SLC4A7: variants seen among roughly 807,000 people sequenced by gnomAD.
The protein encoded by SLC4A7 is sodium bicarbonate cotransporter 3.
SLC4A7 carries 51 observed loss-of-function variants against 137.6 expected under a neutral mutation model. The ratio of observed to expected loss-of-function variants is 0.37; its 90% CI spans 0.30 to 0.47. The LOEUF (loss-of-function observed/expected upper bound fraction) is 0.47, where lower values mean the gene tolerates loss of function less well. SLC4A7 is among the 20% of genes least tolerant of loss of function. The pLI is 1.00. For synonymous variants in SLC4A7, 542 were observed against 518.6 expected (o/e 1.05, Z -0.61); for missense variants, 1,247 against 1,525.4 (o/e 0.82, Z 3.04).
intron 1 of SLC4A7, among the ~76,000 whole-genome samples, chr3:27,475,136 C>T (rs1342590559): frequency 6.6e-6 from 1 of 151,792 alleles, no homozygotes; most frequent in African/African-American, 2.4e-5. Flanking sequence ...CAAATCCCTG[C>T]CCACAGAGTT....
At chr3:27,481,964 T>C (rs2059728238) in intron 1 of SLC4A7, among the ~76,000 whole-genome samples, 1 of 151,952 alleles carries the variant, frequency 6.6e-6, no homozygotes, top group African/African-American at 2.4e-5. Flanking sequence ...TGAAATCCCA[T>C]CTCTACTAAA....
Position 27,424,402 on chromosome 3 carries a change from AAG to A in SLC4A7, c.1151-252_1151-251del, listed in dbSNP as rs539342521. The A allele has an allele frequency of 1.4e-3, 423 of 299,060 alleles. 2 individuals carry two copies. The highest frequency in any genetic ancestry group is 8.5e-3 in the African/African-American group (395 of 46,250). 18.5% of individuals were successfully genotyped at this position (299,060 alleles called of 1,614,324 possible). ...TACAAAAATTGTGGCCTTTTGCAAA[AAG>A]AAATAAAACGTGAGTTGGTGTGAAC... On this transcript the variant is annotated intron_variant, in intron 7 of 25. Coordinates refer to ENST00000454389, the MANE Select transcript of SLC4A7 (RefSeq NM_001321103.2).
At chr3:27,474,779 C>T (rs2059397171) in intron 1 of SLC4A7, among the ~76,000 whole-genome samples, 1 of 152,128 alleles carries the variant, frequency 6.6e-6, no homozygotes, top group Non-Finnish European at 1.5e-5. Flanking sequence ...GGCTTTTAAA[C>T]AATTTTGTCA....
Position 27,440,047 on chromosome 3 carries a change from G to A in SLC4A7, c.290-2521C>T, listed in dbSNP as rs143982606. Reference sequence around the variant, plus strand: ...CTTAGTTACATTGACAGATGTTTAAGTTTTAAACCAACCTTATGTTCCTAG... The same window carrying A: ...CTTAGTTACATTGACAGATGTTTAAATTTTAAACCAACCTTATGTTCCTAG... On this transcript the variant is annotated intron_variant, in intron 3 of 25. Transcript: ENST00000454389. Among the ~76,000 whole-genome samples the A allele has an allele frequency of 3.5e-3, 532 of 152,252 alleles. 3 individuals are homozygous for A. The highest frequency in any genetic ancestry group is 5.5e-3 in the Non-Finnish European group (374 of 68,002).
intron 8 of SLC4A7, among the ~76,000 whole-genome samples, chr3:27,422,558 T>C (rs1576360038): frequency 2.0e-5 from 3 of 152,318 alleles, no homozygotes; most frequent in African/African-American, 7.2e-5. Context: ...CATGAATTAC[T>C]ATGCCTGGCC....
chr3:27,430,242 C>T (rs1050299925), intron 7 of SLC4A7, among the ~76,000 whole-genome samples: 1 of 151,690 alleles, frequency 6.6e-6, no homozygotes. Flanking sequence ...CTATTTAAGG[C>T]ACATCACTTC....
chr3:27,431,021 ACT>A (rs1253509897), intron 7 of SLC4A7, among the ~76,000 whole-genome samples: 3 of 152,002 alleles, frequency 2.0e-5, no homozygotes, highest in African/African-American at 4.8e-5. Context: ...TAATAATCTT[ACT>A]CTTTTTTATT....
intron 2 of SLC4A7, among the ~76,000 whole-genome samples, chr3:27,449,373 G>A (rs2057907585): frequency 1.4e-5 from 2 of 147,936 alleles, no homozygotes; most frequent in Admixed American, 1.4e-4. Flanking sequence ...TAACATTTTA[G>A]TAACAATTAC....
intron 3 of SLC4A7, among the ~76,000 whole-genome samples, chr3:27,442,057 G>A (rs1357080054): frequency 1.3e-5 from 2 of 151,736 alleles, no homozygotes; most frequent in African/African-American, 4.8e-5. Context: ...ATTATTTTTA[G>A]TAGAGACGGG....
At chr3:27,481,724 T>C (rs1314989889) in intron 1 of SLC4A7, among the ~76,000 whole-genome samples, 11 of 152,232 alleles carry the variant, frequency 7.2e-5, no homozygotes, top group Non-Finnish European at 1.6e-4. Context: ...AGCCAAGCCT[T>C]ATCTTCTCAA....
At chr3:27,398,863 T>G (rs1344622592) in intron 16 of SLC4A7, among the ~76,000 whole-genome samples, 1 of 152,190 alleles carries the variant, frequency 6.6e-6, no homozygotes, top group African/African-American at 2.4e-5. Context: ...TTTTCTGACT[T>G]GATTCAGTAC....
chr3:27,433,426 C>T (rs923311232), intron 6 of SLC4A7, among the ~76,000 whole-genome samples: 24 of 152,174 alleles, frequency 1.6e-4, no homozygotes, highest in Admixed American at 3.9e-4. Flanking sequence ...CCACATGCCA[C>T]ACAACCTGCC....
intron 22 of SLC4A7, among the ~76,000 whole-genome samples, chr3:27,387,633 T>C (rs991200520): frequency 2.6e-5 from 4 of 152,218 alleles, no homozygotes; most frequent in Non-Finnish European, 5.9e-5. Context: ...TTGCTGTCCC[T>C]TAATACTGTT....
chr3:27,399,032 A>G (rs542487573), intron 16 of SLC4A7, among the ~76,000 whole-genome samples: 29 of 151,890 alleles, frequency 1.9e-4, no homozygotes, highest in African/African-American at 6.5e-4. Context: ...ACTGAAAGGC[A>G]ATCAGAGATT....
At chr3:27,410,491 T>C (rs574209409) in intron 12 of SLC4A7, among the ~76,000 whole-genome samples, 8 of 152,354 alleles carry the variant, frequency 5.3e-5, no homozygotes, top group South Asian at 2.1e-4. Flanking sequence ...TTTTTTTAAG[T>C]TGATACTGAA....
At chr3:27,438,239 G>A (rs1421839903) in intron 3 of SLC4A7, among the ~76,000 whole-genome samples, 1 of 151,296 alleles carries the variant, frequency 6.6e-6, no homozygotes, top group Non-Finnish European at 1.5e-5. Context: ...GGGCACAGTG[G>A]CTCACGCCTG....
chr3:27,465,472 A>G lies in SLC4A7; in HGVS notation c.61-12974T>C, dbSNP rs1169840911. Among the ~76,000 whole-genome samples the G allele has an allele frequency of 1.3e-4, 8 of 63,838 alleles. No homozygotes were observed. In the East Asian group the frequency reaches 3.6e-3, roughly 29 times the overall value. The allele number at this position is 63,838 out of a possible 152,430, so 41.9% of individuals were successfully genotyped here. A position where few individuals can be genotyped will look rare whatever the true frequency, so the allele number is the denominator to read the frequency against. ...GTTCTAAAACTGAACTGGTAGGCACAGTAAAAAAAAAAAAAAAAAAAAGTA... is the reference window on the plus strand; with the variant it reads ...GTTCTAAAACTGAACTGGTAGGCACGGTAAAAAAAAAAAAAAAAAAAAGTA... On this transcript the variant is annotated intron_variant, in intron 1 of 25. Coordinates refer to ENST00000454389, the MANE Select transcript of SLC4A7 (RefSeq NM_001321103.2).
chr3:27,414,775 C>G (rs901508917), intron 11 of SLC4A7, among the ~76,000 whole-genome samples: 18 of 152,214 alleles, frequency 1.2e-4, no homozygotes, highest in Non-Finnish European at 2.4e-4. Context: ...GTTAACTCCT[C>G]TGATGTGGTG....
chr3:27,469,321 A>C lies in SLC4A7; in HGVS notation c.60+14746T>G, dbSNP rs544462229. Among the ~76,000 whole-genome samples the C allele has an allele frequency of 1.1e-3, 167 of 152,148 alleles. 1 individual carries two copies. Among genetic ancestry groups the C allele is most frequent in the Middle Eastern group, 6.8e-3 (2 of 294 alleles). ...CCTCTAATTAATTAATTCCAACACT[A>C]CCTGGAGATAGTGTTAGATCCCACA... On this transcript the variant is annotated intron_variant, in intron 1 of 25. Coordinates refer to ENST00000454389, the MANE Select transcript of SLC4A7 (RefSeq NM_001321103.2).
Sources: allele counts gnomAD v4.1 joint callset (sites outside exome capture counted in the v4.1 genomes callset), GRCh38; gene constraint gnomAD v4.1.1; transcripts MANE v1.5; gene names NCBI Gene and HGNC (gene_info 2026-07-23, HGNC 2026-07-21).